Variants in MAP3K12 observed in about 807,000 individuals in gnomAD.
MAP3K12 encodes the protein mitogen-activated protein kinase kinase kinase 12, also known as MAPK-upstream kinase.
In MAP3K12, 14 loss-of-function variants were observed where a neutral mutation model predicts 87.5. The observed-to-expected ratio is 0.16, with a 90% confidence interval of 0.11 to 0.25. The LOEUF (loss-of-function observed/expected upper bound fraction) is 0.25, where lower values mean the gene tolerates loss of function less well. Ranked by LOEUF, MAP3K12 falls within the 10% of genes least tolerant of loss-of-function variation. The pLI is 1.00. For synonymous variants in MAP3K12, 469 were observed against 452.5 expected (o/e 1.04, Z -0.46); for missense variants, 802 against 1,140.4 (o/e 0.70, Z 4.27).
upstream of MAP3K12, chr12:53,499,673 C>G (rs989654251): frequency 1.3e-5 from 2 of 151,292 alleles, no homozygotes; most frequent in African/African-American, 4.9e-5. Flanking sequence ...CCGCTCCTTC[C>G]AGGGCCCCCG....
chr12:53,494,089 C>T (rs1308080280), intron 1 of MAP3K12, among the ~76,000 whole-genome samples: 1 of 152,218 alleles, frequency 6.6e-6, no homozygotes, highest in Non-Finnish European at 1.5e-5. Context: ...TTATTTCTGA[C>T]CTGCCAGCTG....
chr12:53,484,931 G>C, intron 6 of MAP3K12, 125 bp downstream of exon 6: 1 of 1,265,798 alleles, frequency 7.9e-7, no homozygotes, highest in East Asian at 2.5e-5. Context: ...GCATGAGCCT[G>C]ATTCAGATGA....
Position 53,483,730 on chromosome 12 carries a change from C to A in MAP3K12, c.1359-7G>T. 1 of 1,613,756 alleles carries A rather than the reference C, an allele frequency of 6.2e-7. No individual in the cohort carries two copies. Among genetic ancestry groups the A allele is most frequent in the Non-Finnish European group, 8.5e-7 (1 of 1,179,988 alleles). ...CCTGATGTCCAGGGCGTGTCTGCAA[C>A]GGGCAGAAAGGTTCCCCAAGGTGAA... On this transcript the variant is annotated splice_region_variant and splice_polypyrimidine_tract_variant and intron_variant, in intron 8 of 13. Transcript: ENST00000547488.
intron 4 of MAP3K12, chr12:53,485,679 C>G (rs559755693): frequency 3.4e-6 from 2 of 593,354 alleles, no homozygotes; most frequent in Non-Finnish European, 5.9e-6. Flanking sequence ...CCTCAGCCTC[C>G]TGAGTAGCTG....
At chr12:53,488,949 G>A (rs1943323190) in intron 1 of MAP3K12, among the ~76,000 whole-genome samples, 1 of 148,010 alleles carries the variant, frequency 6.8e-6, no homozygotes, top group Non-Finnish European at 1.5e-5. Context: ...GCGTGGTGGT[G>A]GATGCCTGTA....
At chr12:53,481,856 G>A in intron 13 of MAP3K12, 85 bp downstream of exon 13, 1 of 1,511,418 alleles carries the variant, frequency 6.6e-7, no homozygotes, top group South Asian at 1.3e-5. Flanking sequence ...CTGTGCAGCT[G>A]TCTCCCCAAA....
At chr12:53,490,974 C>A (rs978204197) in intron 1 of MAP3K12, among the ~76,000 whole-genome samples, 2 of 151,828 alleles carry the variant, frequency 1.3e-5, no homozygotes, top group Non-Finnish European at 2.9e-5. Context: ...ACCAGGACAC[C>A]CAATGATAAT....
chr12:53,484,462 A>C (rs964881376), intron 6 of MAP3K12, 97 bp from the exon 7 acceptor site: 14 of 807,992 alleles, frequency 1.7e-5, no homozygotes, highest in Non-Finnish European at 2.7e-5. Context: ...TGGAGAATCC[A>C]ATCCTAGAAT....
chr12:53,482,854 G>C lies in MAP3K12; in HGVS notation c.1949C>G (p.Ala650Gly). 1 of 1,612,878 alleles carries C rather than the reference G, an allele frequency of 6.2e-7. No homozygotes were observed. Among genetic ancestry groups the C allele is most frequent in the Non-Finnish European group, 8.5e-7 (1 of 1,179,518 alleles). Residue 650 changes from alanine to glycine, a missense_variant, in exon 11 of 14, where the codon GCA (alanine) becomes GGA (glycine). Ala to Gly is a moderately conservative substitution (Grantham distance 60). Around this residue, in one of 5 missense-constraint regions of MAP3K12, gnomAD observed 490 missense variants for 496.6 expected, o/e 0.99. Coordinates refer to ENST00000547488, the MANE Select transcript of MAP3K12 (RefSeq NM_001193511.2). ...GGCCCCCCGGCCCCGGGACCCTAGT[G>C]CTGCTGACAGCAGGTCTGGGGACGA... ...SSSSPDLLSA[A>G]LGSRGRGATG...
chr12:53,498,944 G>C (rs1380686332), intron 1 of MAP3K12, among the ~76,000 whole-genome samples: 1 of 14,512 alleles, frequency 6.9e-5, no homozygotes, highest in African/African-American at 2.1e-4. Flanking sequence ...GTGTGTGTGT[G>C]TGTGTGTGTG....
intron 6 of MAP3K12, chr12:53,484,849 G>C (rs1943184601): frequency 1.6e-6 from 1 of 620,192 alleles, no homozygotes; most frequent in East Asian, 2.8e-5. Context: ...ATATCGTTAA[G>C]TGTATTTTAT....
chr12:53,481,307 A>G (rs1405956006), intron 13 of MAP3K12, 27 bp from the exon 14 acceptor site: 1 of 1,396,756 alleles, frequency 7.2e-7, no homozygotes, highest in Admixed American at 2.4e-5. Context: ...AAATGGAGTG[A>G]GATTCCTTGG....
In MAP3K12 at chr12:53,486,690, C is replaced by A; in HGVS notation, c.446-68G>T. ...ACACTCAAGGCCAGGGACAGGATAGCATTGGGTTGGCTGAATTGACTTAAG... is the reference window on the plus strand; with the variant it reads ...ACACTCAAGGCCAGGGACAGGATAGAATTGGGTTGGCTGAATTGACTTAAG... On this transcript the variant is annotated intron_variant, in intron 2 of 13. Transcript: ENST00000547488. This position sits in a 1 kb window ranked among gnomAD's most constrained non-coding sequence, Gnocchi z 4.9. The A allele has an allele frequency of 6.8e-7, 1 of 1,481,478 alleles. No individual in the cohort carries two copies. Among genetic ancestry groups the A allele is most frequent in the South Asian group, 1.4e-5 (1 of 74,044 alleles). The allele number at this position is 1,481,478 out of a possible 1,614,324, so 91.8% of individuals were successfully genotyped here. A position where few individuals can be genotyped will look rare whatever the true frequency, so the allele number is the denominator to read the frequency against.
intron 11 of MAP3K12, 25 bp from the exon 12 acceptor site, chr12:53,482,394 G>C (rs771072634): frequency 6.2e-7 from 1 of 1,612,564 alleles, no homozygotes; most frequent in Non-Finnish European, 8.5e-7. Context: ...GGGTGGGGGG[G>C]GTCTGATTAG....
chr12:53,484,444 G>A lies in MAP3K12; in HGVS notation c.1140-79C>T, dbSNP rs1380354769. 3 of 1,013,872 alleles carry A rather than the reference G, an allele frequency of 3.0e-6. No individual in the cohort carries two copies. The African/African-American group carries it at 4.7e-5, about 16-fold the overall frequency. The allele number at this position is 1,013,872 out of a possible 1,614,324, so 62.8% of individuals were successfully genotyped here. A position where few individuals can be genotyped will look rare whatever the true frequency, so the allele number is the denominator to read the frequency against. On this transcript the variant is annotated intron_variant, in intron 6 of 13. Transcript: ENST00000547488. ...AGGAACTGGAGCATCCTTTCCCAAA[G>A]TGTGTCCTGGAGAATCCAATCCTAG...
chr12:53,485,578 C>T (rs1373251486), intron 4 of MAP3K12, 103 bp from the exon 5 acceptor site: 15 of 1,313,006 alleles, frequency 1.1e-5, no homozygotes, highest in Admixed American at 5.8e-5. Context: ...TTGTTTGAGA[C>T]GGAGTCTCAC....
chr12:53,491,301 A>AAAAAAAAAAAAAAAAAAAAAAAG lies in MAP3K12; in HGVS notation c.-37-3874_-37-3873insCTTTTTTTTTTTTTTTTTTTTTT, dbSNP rs796169121. Among the ~76,000 whole-genome samples, 54 of 101,568 alleles carry AAAAAAAAAAAAAAAAAAAAAAAG rather than the reference A, an allele frequency of 5.3e-4. 1 individual carries two copies. The highest frequency in any genetic ancestry group is 8.6e-4 in the African/African-American group (23 of 26,618). 66.6% of individuals were successfully genotyped at this position (101,568 alleles called of 152,430 possible). A position where few individuals can be genotyped will look rare whatever the true frequency, so the allele number is the denominator to read the frequency against. ...AGACTCTGTCTCAAAAAAAAAAAAA[A>AAAAAAAAAAAAAAAAAAAAAAAG]AAAAGAAAAGAAAAGAAAAACAGGC... On this transcript the variant is annotated intron_variant, in intron 1 of 13. Coordinates refer to ENST00000547488, the MANE Select transcript of MAP3K12 (RefSeq NM_001193511.2).
intron 1 of MAP3K12, 192 bp from the exon 2 acceptor site, chr12:53,487,620 G>C: frequency 3.6e-6 from 2 of 554,246 alleles, no homozygotes; most frequent in Non-Finnish European, 6.3e-6. Context: ...ATACACTTGG[G>C]CTTCCTCTCA....
chr12:53,494,061 T>C (rs1222022373), intron 1 of MAP3K12, among the ~76,000 whole-genome samples: 1 of 152,136 alleles, frequency 6.6e-6, no homozygotes, highest in Admixed American at 6.5e-5. Flanking sequence ...CACACACACA[T>C]ACCCCTTTTT....
Sources: gnomAD v4.1 joint callset for allele counts (sites outside exome capture counted in the v4.1 genomes callset) on GRCh38, gnomAD v4.1.1 for gene constraint, gnomAD v4.1.1 regional missense constraint, Gnocchi (gnomAD v3.1) non-coding constraint, MANE v1.5 for transcripts, NCBI Gene and HGNC (gene_info 2026-07-23, HGNC 2026-07-21) for gene names.